The following RNF168 variants were observed in gnomAD, a reference collection of about 807,000 sequenced individuals.
RNF168 encodes E3 ubiquitin-protein ligase RNF168.
A neutral mutation model predicts 34.9 loss-of-function variants in RNF168; 34 were observed. That is an observed-to-expected ratio of 0.97 (90% confidence interval 0.74 to 1.30). RNF168 has a LOEUF of 1.30. Among genes scored for constraint, RNF168 ranks in the 50% most tolerant of loss-of-function variants. The pLI is 0.00. For missense variants in RNF168, 725 were observed against 682.5 expected (o/e 1.06, Z -0.69); for synonymous variants, 264 against 254.7 (o/e 1.04, Z -0.35).
intron 1 of RNF168, among the ~76,000 whole-genome samples, chr3:196,495,782 C>A (rs1048689816): frequency 1.3e-5 from 2 of 152,170 alleles, no homozygotes; most frequent in African/African-American, 4.8e-5. Context: ...GGGATTTTGG[C>A]ATCCGTTTGT....
Position 196,503,060 on chromosome 3 carries a change from C to T in RNF168, c.114G>A (p.Pro38=). 1 of 1,614,150 alleles carries T rather than the reference C, an allele frequency of 6.2e-7. No individual in the cohort carries two copies. The highest frequency in any genetic ancestry group is 1.1e-5 in the South Asian group (1 of 91,074). The change falls in exon 1 of 6, where the codon CCG becomes CCA. Residue 38 remains proline, a synonymous_variant. Transcript: ENST00000318037. The part of the protein sequence containing the change: ...TLPCNHTLCK[P]CFQSTVEKAS... ...CCTTTTCGACGGTCGACTGGAAGCA[C>T]GGTTTACACAGCGTGTGGTTACACG...
Position 196,472,605 on chromosome 3 carries a change from A to T in RNF168, c.930T>A (p.His310Gln). Residue 310 changes from histidine to glutamine, a missense_variant, in exon 6 of 6, where the codon CAT (histidine) becomes CAA (glutamine). By Grantham distance (24) the His-to-Gln change is conservative. Coordinates refer to ENST00000318037, the MANE Select transcript of RNF168 (RefSeq NM_152617.4). ...TTGGTCTTGTTTTGACGTTTCCTTCATGGTACCATTCGGCACCACAGGCAC... is the reference window on the plus strand; with the variant it reads ...TTGGTCTTGTTTTGACGTTTCCTTCTTGGTACCATTCGGCACCACAGGCAC... ...WLCACGAEWYHEGNVKTRPSN... is the reference protein window; with the variant it reads ...WLCACGAEWYQEGNVKTRPSN... The T allele has an allele frequency of 6.2e-7, 1 of 1,614,214 alleles. No homozygotes were observed. Among genetic ancestry groups the T allele is most frequent in the Non-Finnish European group, 8.5e-7 (1 of 1,180,030 alleles).
intron 2 of RNF168, 67 bp from the exon 3 acceptor site, chr3:196,487,645 C>A: frequency 7.0e-7 from 1 of 1,428,948 alleles, no homozygotes; most frequent in Admixed American, 1.7e-5. Flanking sequence ...TATTTCATAA[C>A]AAGAATAGAA....
chr3:196,500,325 G>C (rs59754664), intron 1 of RNF168, among the ~76,000 whole-genome samples: 7,444 of 152,210 alleles, frequency 0.049, 554 homozygotes, highest in African/African-American at 0.16. Context: ...TATTCAGCCT[G>C]GAAAAGAAGG....
Position 196,469,819 on chromosome 3 carries a change from A to G in RNF168, c.*2000T>C, listed in dbSNP as rs1731956463. On this transcript the variant is annotated 3_prime_UTR_variant, in exon 6 of 6. Coordinates refer to ENST00000318037, the MANE Select transcript of RNF168 (RefSeq NM_152617.4). ...TATGTTTCAGGTTCCACAACATAAG[A>G]CACTGTGAGGTAACTCTCCTGTAAT... The G allele has an allele frequency of 6.6e-6, 1 of 152,224 alleles. No homozygotes were observed. Among genetic ancestry groups the G allele is most frequent in the Non-Finnish European group, 1.5e-5 (1 of 68,036 alleles). 9.4% of individuals were successfully genotyped at this position (152,224 alleles called of 1,614,324 possible).
At chr3:196,495,607 C>A (rs555144122) in intron 1 of RNF168, among the ~76,000 whole-genome samples, 62 of 152,318 alleles carry the variant, frequency 4.1e-4, no homozygotes, top group African/African-American at 1.1e-3. Context: ...ATCAGGAGGA[C>A]CGCAATGTTT....
intron 3 of RNF168, among the ~76,000 whole-genome samples, chr3:196,484,838 T>A (rs1732386152): frequency 6.6e-6 from 1 of 152,032 alleles, no homozygotes; most frequent in African/African-American, 2.4e-5. Flanking sequence ...AAATGCTTTG[T>A]AAAGATGAGG....
intron 1 of RNF168, among the ~76,000 whole-genome samples, chr3:196,489,321 T>TAA (rs144178055): frequency 1.4e-5 from 2 of 147,336 alleles, no homozygotes; most frequent in South Asian, 2.2e-4. Context: ...GTTAACTGAT[T>TAA]AAAAAAAAAT....
Position 196,485,159 on chromosome 3 carries a change from A to G in RNF168, c.559-1268T>C, listed in dbSNP as rs373952683. On this transcript the variant is annotated intron_variant, in intron 3 of 5. Coordinates refer to ENST00000318037, the MANE Select transcript of RNF168 (RefSeq NM_152617.4). ...TTACTACCCTAATGGAAAAGTTCAT[A>G]TATGGTGATGGTGAATATTTGGCCT... 4.9e-4 allele frequency among the ~76,000 whole-genome samples: 74 copies of G among 152,290 alleles called. No homozygotes were observed. The South Asian group carries it at 0.015, about 32-fold the overall frequency.
intron 5 of RNF168, among the ~76,000 whole-genome samples, chr3:196,474,356 C>T (rs1311077765): frequency 2.0e-5 from 3 of 150,180 alleles, no homozygotes; most frequent in Non-Finnish European, 4.4e-5. Flanking sequence ...AGGCTGGTCT[C>T]GAACTCCCAA....
intron 4 of RNF168, among the ~76,000 whole-genome samples, chr3:196,480,365 C>T (rs550586037): frequency 2.0e-5 from 3 of 152,294 alleles, no homozygotes; most frequent in Admixed American, 6.5e-5. Flanking sequence ...TATGGGGCCT[C>T]GTCATCTCCC....
chr3:196,480,138 G>A lies in RNF168; in HGVS notation c.680+3632C>T, dbSNP rs958869526. Among the ~76,000 whole-genome samples the A allele has an allele frequency of 2.1e-4, 32 of 152,254 alleles. 1 individual carries two copies. In the South Asian group the frequency reaches 5.4e-3, roughly 26 times the overall value. ...AAAGTATACTTAGGATTGGTGCACC[G>A]TCTTTTTAAATTTTTTACTTTTTCT... On this transcript the variant is annotated intron_variant, in intron 4 of 5. Transcript: ENST00000318037.
Position 196,503,349 on chromosome 3 carries a change from A to C in RNF168, c.-176T>G, listed in dbSNP as rs1732952343. Reference sequence around the variant, plus strand: ...CGTCTTGAAGCAAAAAGGCGCTCTCAGGGTCAGGCAAACAGGAATACCCCG... The same window carrying C: ...CGTCTTGAAGCAAAAAGGCGCTCTCCGGGTCAGGCAAACAGGAATACCCCG... On this transcript the variant is annotated 5_prime_UTR_variant, in exon 1 of 6. Transcript: ENST00000318037. 7.6e-6 allele frequency: 5 copies of C among 655,054 alleles called. No individual in the cohort carries two copies. The highest frequency in any genetic ancestry group is 1.7e-5 in the South Asian group (1 of 58,752). 40.6% of individuals were successfully genotyped at this position (655,054 alleles called of 1,614,324 possible). A position where few individuals can be genotyped will look rare whatever the true frequency, so the allele number is the denominator to read the frequency against.
In RNF168 at chr3:196,472,105, C is replaced by T. The variant is rs1393075615; in HGVS notation, c.1430G>A (p.Arg477His). Residue 477 changes from arginine to histidine, a missense_variant, in exon 6 of 6, where the codon CGC becomes CAC. Physicochemically the swap from Arg to His is conservative, Grantham distance 29. Coordinates refer to ENST00000318037, the MANE Select transcript of RNF168 (RefSeq NM_152617.4). ...QKGSPDEYHLRATSSPPDKVL... is the reference protein window; with the variant it reads ...QKGSPDEYHLHATSSPPDKVL... ...TTTGTCTGGAGGGGAGGATGTAGCG[C>T]GTAAGTGATACTCATCTGGGGATCC... 2.2e-5 allele frequency: 36 copies of T among 1,613,668 alleles called. No individual in the cohort carries two copies. Among genetic ancestry groups the T allele is most frequent in the Middle Eastern group, 1.6e-4 (1 of 6,082 alleles).
chr3:196,472,673 G>A lies in RNF168; in HGVS notation c.862C>T (p.Gln288Ter). ...SPQISLGVGE[Q>*]GADSSIESPM... ...GACTCTATTGAAGAATCTGCACCTT[G>A]TTCTCCAACTCCAAGGGATATCTGT... Residue 288 changes from glutamine to a stop codon, truncating the protein, a stop_gained, in exon 6 of 6, where the codon CAA becomes TAA. Coordinates refer to ENST00000318037, the MANE Select transcript of RNF168 (RefSeq NM_152617.4). LOFTEE classifies it low-confidence loss of function (END_TRUNC). 6.2e-7 allele frequency: 1 copy of A among 1,605,634 alleles called. No homozygotes were observed. The highest frequency in any genetic ancestry group is 8.5e-7 in the Non-Finnish European group (1 of 1,172,870).
Position 196,488,658 on chromosome 3 carries a change from C to T in RNF168, c.327G>A (p.Leu109=), listed in dbSNP as rs750986787. The T allele has an allele frequency of 6.2e-7, 1 of 1,607,664 alleles. No homozygotes were observed. Among genetic ancestry groups the T allele is most frequent in the Non-Finnish European group, 8.5e-7 (1 of 1,174,604 alleles). The change falls in exon 2 of 6, where the codon CTG becomes CTA. Residue 109 remains leucine, a synonymous_variant. Coordinates refer to ENST00000318037, the MANE Select transcript of RNF168 (RefSeq NM_152617.4). ...TTCTCAGTTCCCCAGGTTTACTGAG[C>T]AGACGAACTGGCTGATAGTCATCAG... ...EVADDYQPVR[L]LSKPGELRRE...
intron 1 of RNF168, among the ~76,000 whole-genome samples, chr3:196,498,060 A>T (rs1177538104): frequency 6.6e-6 from 1 of 152,230 alleles, no homozygotes; most frequent in Non-Finnish European, 1.5e-5. Flanking sequence ...AAAAAGACAG[A>T]TAACATCAAA....
chr3:196,478,433 C>T (rs751434010), intron 4 of RNF168, among the ~76,000 whole-genome samples: 1 of 152,190 alleles, frequency 6.6e-6, no homozygotes, highest in South Asian at 2.1e-4. Flanking sequence ...CCCCTCATTT[C>T]TGCTTTCCAT....
At chr3:196,475,405 T>C in intron 4 of RNF168, 93 bp from the exon 5 acceptor site, 1 of 780,674 alleles carries the variant, frequency 1.3e-6, no homozygotes, top group African/African-American at 1.7e-5. Context: ...GGTTGTCTGG[T>C]TTGCTGCTTG....
Sources: gnomAD v4.1 joint callset for allele counts (sites outside exome capture counted in the v4.1 genomes callset) on GRCh38, gnomAD v4.1.1 for gene constraint, MANE v1.5 for transcripts, NCBI Gene and HGNC (gene_info 2026-07-23, HGNC 2026-07-21) for gene names.